Variants in ALDH1L2 observed in about 807,000 individuals in gnomAD.
ALDH1L2 encodes the protein mitochondrial 10-formyltetrahydrofolate dehydrogenase.
In ALDH1L2, 91 loss-of-function variants were observed where a neutral mutation model predicts 111.0. The ratio of observed to expected loss-of-function variants is 0.82; its 90% CI spans 0.69 to 0.98. ALDH1L2 has a LOEUF of 0.98. ALDH1L2 is among the 50% of genes least tolerant of loss of function. ALDH1L2 has a pLI of 0.00. For missense variants in ALDH1L2, 995 were observed against 1,126.8 expected, an observed-to-expected ratio of 0.88 and a Z score of 1.67; for synonymous variants, 374 against 392.6, an observed-to-expected ratio of 0.95 and a Z score of 0.56.
At chr12:105,044,873 T>TA (rs753306253) in intron 15 of ALDH1L2, among the ~76,000 whole-genome samples, 15 of 152,076 alleles carry the variant, frequency 9.9e-5, no homozygotes, top group Middle Eastern at 3.4e-3. Flanking sequence ...TGGAAACTGC[T>TA]AAAAAAAGTT....
In ALDH1L2 at chr12:105,077,027, T is replaced by C. The variant is rs551358575; in HGVS notation, c.49-3022A>G. The stretch of plus-strand genomic sequence containing the variant: ...CAGATGTGTTTCTAAGGCTTTCCTA[T>C]GCTGAAAGTTCCCCTCCTACTTTAG... On this transcript the variant is annotated intron_variant, in intron 1 of 22. Coordinates refer to ENST00000258494, the MANE Select transcript of ALDH1L2 (RefSeq NM_001034173.4). 2.6e-5 allele frequency among the ~76,000 whole-genome samples: 4 copies of C among 152,330 alleles called. No homozygotes were observed. The East Asian group carries it at 7.7e-4, about 29-fold the overall frequency.
intron 10 of ALDH1L2, among the ~76,000 whole-genome samples, chr12:105,056,655 C>T (rs1366758277): frequency 6.6e-6 from 1 of 151,526 alleles, no homozygotes; most frequent in South Asian, 2.1e-4. Flanking sequence ...TATGCAACAA[C>T]TATGTTACAG....
intron 12 of ALDH1L2, chr12:105,050,569 T>C (rs1434919163): frequency 1.3e-5 from 5 of 380,222 alleles, no homozygotes; most frequent in Non-Finnish European, 2.6e-5. Context: ...TCTTTTGTGT[T>C]CAACTTCTCT....
chr12:105,036,237 G>A (rs1287701124), intron 18 of ALDH1L2, among the ~76,000 whole-genome samples: 2 of 35,018 alleles, frequency 5.7e-5, no homozygotes, highest in Non-Finnish European at 8.0e-5. Flanking sequence ...ATATATACAC[G>A]TATATTTATA....
At chr12:105,034,020 T>C (rs965170301) in intron 19 of ALDH1L2, among the ~76,000 whole-genome samples, 1 of 152,166 alleles carries the variant, frequency 6.6e-6, no homozygotes, top group African/African-American at 2.4e-5. Context: ...CCCCATGTAC[T>C]CATCACCCAG....
At chr12:105,046,209 ATATATATATATATTTTTTTT>A (rs1875875198) in intron 15 of ALDH1L2, among the ~76,000 whole-genome samples, 1 of 52,784 alleles carries the variant, frequency 1.9e-5, no homozygotes, top group Non-Finnish European at 3.3e-5. Flanking sequence ...ATATATATAT[ATATATATATATATTTTTTTT>A]TTTTTTTTTT....
chr12:105,046,933 G>A lies in ALDH1L2; in HGVS notation c.1723C>T (p.Arg575Cys), dbSNP rs138908674. Residue 575 changes from arginine to cysteine, a missense_variant, in exon 14 of 23, where the codon CGC (arginine) becomes TGC (cysteine). By Grantham distance (180) the Arg-to-Cys change is radical. Coordinates refer to ENST00000258494, the MANE Select transcript of ALDH1L2 (RefSeq NM_001034173.4). The stretch of plus-strand genomic sequence containing the variant: ...TCTTTCTTGGTGAAGGTCAGATTGC[G>A]ATTTGGACGGGCCTGGTTGATTGGA... ...TIPINQARPNRNLTFTKKEPL... is the reference protein window; with the variant it reads ...TIPINQARPNCNLTFTKKEPL... 5.0e-6 allele frequency: 8 copies of A among 1,614,148 alleles called. No homozygotes were observed. The highest frequency in any genetic ancestry group is 2.2e-5 in the South Asian group (2 of 91,072).
intron 15 of ALDH1L2, among the ~76,000 whole-genome samples, chr12:105,045,757 G>A (rs1371852920): frequency 8.6e-5 from 13 of 152,000 alleles, no homozygotes; most frequent in Admixed American, 8.5e-4. Flanking sequence ...ATGTAGCTAT[G>A]CCAAATGAAA....
intron 8 of ALDH1L2, 130 bp from the exon 9 acceptor site, chr12:105,061,202 T>C: frequency 1.3e-6 from 1 of 784,310 alleles, no homozygotes. Flanking sequence ...CTGGATCACA[T>C]TTCTCAGCGC....
intron 18 of ALDH1L2, among the ~76,000 whole-genome samples, chr12:105,036,562 ATAT>A (rs1303256217): frequency 2.5e-4 from 13 of 51,076 alleles, no homozygotes; most frequent in East Asian, 1.5e-3. Context: ...ATATATATAT[ATAT>A]AAAATGGATG....
At chr12:105,036,564 AT>A (rs1875161760) in intron 18 of ALDH1L2, among the ~76,000 whole-genome samples, 7 of 53,178 alleles carry the variant, frequency 1.3e-4, no homozygotes, top group African/African-American at 2.7e-4. Context: ...ATATATATAT[AT>A]AAAATGGATG....
intron 1 of ALDH1L2, among the ~76,000 whole-genome samples, chr12:105,078,599 A>G (rs949647093): frequency 6.6e-6 from 1 of 152,106 alleles, no homozygotes; most frequent in African/African-American, 2.4e-5. Context: ...CAAATCTCTC[A>G]TTTGCTTTAC....
At chr12:105,060,220 A>C (rs1041314643) in intron 9 of ALDH1L2, among the ~76,000 whole-genome samples, 1 of 152,124 alleles carries the variant, frequency 6.6e-6, no homozygotes. Flanking sequence ...AATTAATATC[A>C]GGTATCAGAT....
chr12:105,066,015 T>G (rs1877331959), intron 5 of ALDH1L2, among the ~76,000 whole-genome samples: 1 of 152,150 alleles, frequency 6.6e-6, no homozygotes, highest in Non-Finnish European at 1.5e-5. Context: ...GGTCTCACTG[T>G]GTTGGCCAGG....
rs896710092 is a variant in ALDH1L2, at chr12:105,061,571, C to T, written c.1047+56G>A. 65 of 1,604,260 alleles carry T rather than the reference C, an allele frequency of 4.1e-5. No individual in the cohort carries two copies. The African/African-American group carries it at 5.6e-4, about 14-fold the overall frequency. On this transcript the variant is annotated intron_variant, in intron 8 of 22. Transcript: ENST00000258494. ...CTTTGAGGACTGATGGTACCAGTTA[C>T]GAACATGCTTCAGTTTTCCAAGGTA...
At chr12:105,031,567 T>G (rs1874696027) in intron 20 of ALDH1L2, among the ~76,000 whole-genome samples, 1 of 152,108 alleles carries the variant, frequency 6.6e-6, no homozygotes, top group Admixed American at 6.6e-5. Context: ...TGCAGCCTCC[T>G]CCGCTCACGT....
At chr12:105,060,829 A>G in intron 9 of ALDH1L2, 152 bp downstream of exon 9, 3 of 343,594 alleles carry the variant, frequency 8.7e-6, no homozygotes. Flanking sequence ...CATCTCAGGA[A>G]AAAAAAAAAA....
At chr12:105,066,539 G>T (rs1877363498) in intron 5 of ALDH1L2, 29 bp downstream of exon 5, 1 of 1,588,910 alleles carries the variant, frequency 6.3e-7, no homozygotes, top group Non-Finnish European at 8.6e-7. Flanking sequence ...TGAACTCTGA[G>T]ACGTGTTATT....
intron 22 of ALDH1L2, 49 bp from the exon 23 acceptor site, chr12:105,024,528 T>C: frequency 6.4e-7 from 1 of 1,566,924 alleles, no homozygotes. Context: ...GGCAGACATG[T>C]GATGTCTTCA....
Sources: allele counts gnomAD v4.1 joint callset (sites outside exome capture counted in the v4.1 genomes callset), GRCh38; gene constraint gnomAD v4.1.1; transcripts MANE v1.5; gene names NCBI Gene and HGNC (gene_info 2026-07-23, HGNC 2026-07-21).